The following BMP5 variants were observed in gnomAD, a reference collection of about 807,000 sequenced individuals.
The protein encoded by BMP5 is bone morphogenetic protein 5.
BMP5 carries 23 observed loss-of-function variants against 46.6 expected under a neutral mutation model. The observed-to-expected ratio is 0.49, with a 90% CI of 0.35 to 0.70. The LOEUF is 0.70. Ranked by LOEUF, BMP5 falls within the 30% of genes least tolerant of loss-of-function variation. The pLI is 0.00. For synonymous variants in BMP5, 204 were observed against 191.9 expected (o/e 1.06, Z -0.52); for missense variants, 545 against 565.6 (o/e 0.96, Z 0.37).
intron 1 of BMP5, among the ~76,000 whole-genome samples, chr6:55,846,847 ATTC>A (rs755321871): frequency 1.3e-5 from 2 of 151,146 alleles, no homozygotes; most frequent in East Asian, 3.9e-4. Flanking sequence ...ATAATTTTTT[ATTC>A]TTTTTATTTT....
At chr6:55,856,470 G>T (rs1209552623) in intron 1 of BMP5, among the ~76,000 whole-genome samples, 1 of 152,100 alleles carries the variant, frequency 6.6e-6, no homozygotes, top group African/African-American at 2.4e-5. Context: ...CTACGTGGTT[G>T]TATTATTTTG....
intron 1 of BMP5, among the ~76,000 whole-genome samples, chr6:55,822,542 C>A (rs2127539516): frequency 6.6e-6 from 1 of 152,176 alleles, no homozygotes. Flanking sequence ...TAAGTGATAA[C>A]AACCATTATT....
chr6:55,855,132 G>A (rs183706874), intron 1 of BMP5, among the ~76,000 whole-genome samples: 149 of 152,106 alleles, frequency 9.8e-4, no homozygotes, highest in Admixed American at 6.8e-3. Flanking sequence ...TCATTCCTGG[G>A]ACATCTCGAT....
chr6:55,872,842 G>C (rs1777816959), intron 1 of BMP5, among the ~76,000 whole-genome samples: 1 of 151,640 alleles, frequency 6.6e-6, no homozygotes, highest in Non-Finnish European at 1.5e-5. Flanking sequence ...TTAAATTCTT[G>C]AATAATACTT....
chr6:55,873,086 C>T (rs745709471), intron 1 of BMP5, among the ~76,000 whole-genome samples: 6 of 151,842 alleles, frequency 4.0e-5, no homozygotes, highest in African/African-American at 1.2e-4. Context: ...ATAAAACGTA[C>T]GATTTATTAA....
chr6:55,819,156 T>C (rs1250037754), intron 2 of BMP5, among the ~76,000 whole-genome samples: 1 of 152,190 alleles, frequency 6.6e-6, no homozygotes, highest in African/African-American at 2.4e-5. Context: ...CATTTAGTAT[T>C]TCAGACTATC....
At chr6:55,771,358 C>T (rs1037073024) in intron 4 of BMP5, among the ~76,000 whole-genome samples, 1 of 151,832 alleles carries the variant, frequency 6.6e-6, no homozygotes, top group Non-Finnish European at 1.5e-5. Flanking sequence ...TGCACTGCCT[C>T]AACATGAAAC....
chr6:55,764,578 A>AAG (rs1774874540), intron 4 of BMP5, among the ~76,000 whole-genome samples: 1 of 151,222 alleles, frequency 6.6e-6, no homozygotes, highest in African/African-American at 2.4e-5. Flanking sequence ...TCTCAAAAAA[A>AAG]AAAAAAAAAG....
At chr6:55,775,291 T>G (rs1182021524) in intron 3 of BMP5, among the ~76,000 whole-genome samples, 2 of 152,098 alleles carry the variant, frequency 1.3e-5, no homozygotes, top group East Asian at 3.9e-4. Context: ...GTAGTTTCCA[T>G]GCATTATTTA....
intron 4 of BMP5, among the ~76,000 whole-genome samples, chr6:55,765,184 T>G (rs563437245): frequency 6.2e-4 from 95 of 152,272 alleles, no homozygotes; most frequent in Non-Finnish European, 1.1e-3. Context: ...TGGGATAGAC[T>G]TGCTGTGAAC....
chr6:55,791,508 T>C (rs989782837), intron 3 of BMP5, among the ~76,000 whole-genome samples: 6 of 152,262 alleles, frequency 3.9e-5, no homozygotes, highest in African/African-American at 9.6e-5. Context: ...AGTAAAACAT[T>C]AGTTTACTCT....
At chr6:55,832,803 T>C (rs1776696826) in intron 1 of BMP5, among the ~76,000 whole-genome samples, 2 of 152,006 alleles carry the variant, frequency 1.3e-5, no homozygotes, top group Admixed American at 6.6e-5. Context: ...TTCCTTTGGG[T>C]TTTGTTCATT....
At position 55,865,492 on chromosome 6, in the gene BMP5, T is replaced by C; in HGVS notation, c.490+8884A>G. 3 of 463,176 alleles carry C rather than the reference T, an allele frequency of 6.5e-6. 1 individual carries two copies. Among genetic ancestry groups the C allele is most frequent in the South Asian group, 4.6e-5 (3 of 64,560 alleles). 28.7% of individuals were successfully genotyped at this position (463,176 alleles called of 1,614,324 possible). On this transcript the variant is annotated intron_variant, in intron 1 of 6. Coordinates refer to ENST00000370830, the MANE Select transcript of BMP5 (RefSeq NM_021073.4). ...TCAGAGGAAAGCACCACAGTCCGTC[T>C]CATGAAGGCTCTGACATAGACTGAC...
chr6:55,795,021 C>T (rs1775673209), intron 2 of BMP5, among the ~76,000 whole-genome samples: 1 of 152,040 alleles, frequency 6.6e-6, no homozygotes, highest in African/African-American at 2.4e-5. Context: ...TTGTTAATAT[C>T]TTCTGCAAGC....
chr6:55,799,908 C>G (rs1562043901), intron 2 of BMP5, among the ~76,000 whole-genome samples: 1 of 152,098 alleles, frequency 6.6e-6, no homozygotes, highest in Non-Finnish European at 1.5e-5. Context: ...ACAGACCTCC[C>G]CACAGTGAAA....
At chr6:55,788,683 G>A (rs1317792527) in intron 3 of BMP5, among the ~76,000 whole-genome samples, 1 of 151,822 alleles carries the variant, frequency 6.6e-6, no homozygotes, top group African/African-American at 2.4e-5. Flanking sequence ...CACATACCTT[G>A]TGAGGTAATT....
At chr6:55,779,659 C>A (rs979140842) in intron 3 of BMP5, among the ~76,000 whole-genome samples, 3 of 151,992 alleles carry the variant, frequency 2.0e-5, no homozygotes, top group Non-Finnish European at 4.4e-5. Context: ...TCTATATATA[C>A]TTAAATTTAC....
intron 2 of BMP5, among the ~76,000 whole-genome samples, chr6:55,805,820 T>C (rs1775974437): frequency 6.6e-6 from 1 of 152,192 alleles, no homozygotes; most frequent in African/African-American, 2.4e-5. Flanking sequence ...TAATGATTAG[T>C]GATGTTGAGC....
intron 2 of BMP5, among the ~76,000 whole-genome samples, chr6:55,807,768 T>G (rs1776025774): frequency 1.3e-5 from 2 of 152,206 alleles, no homozygotes; most frequent in Non-Finnish European, 2.9e-5. Context: ...GGATTCAAAT[T>G]CTTCCTGGTT....
Sources: gnomAD v4.1 joint callset for allele counts (sites outside exome capture counted in the v4.1 genomes callset) on GRCh38, gnomAD v4.1.1 for gene constraint, MANE v1.5 for transcripts, NCBI Gene and HGNC (gene_info 2026-07-23, HGNC 2026-07-21) for gene names.